The following PIEZO2 variants were observed in gnomAD, a reference collection of about 807,000 sequenced individuals.
PIEZO2 encodes the protein piezo type mechanosensitive ion channel component 2.
PIEZO2 carries 172 observed loss-of-function variants against 337.3 expected under a neutral mutation model. That is an observed-to-expected ratio of 0.51 (90% CI 0.45 to 0.58). PIEZO2 has a LOEUF of 0.58. PIEZO2 is among the 20% of genes least tolerant of loss of function. The probability of loss-of-function intolerance (pLI) is 0.00; values close to 1 mark genes in which losing one functional copy is unlikely to be tolerated. For synonymous variants in PIEZO2, 1,251 were observed against 1,228.5 expected, an observed-to-expected ratio of 1.02 and a Z score of -0.38; for missense variants, 3,028 against 3,391.3, an observed-to-expected ratio of 0.89 and a Z score of 2.66.
Position 10,857,001 on chromosome 18 carries a change from C to T in PIEZO2, c.703G>A (p.Gly235Ser). 1 of 1,537,200 alleles carries T rather than the reference C, an allele frequency of 6.5e-7. No individual in the cohort carries two copies. Among genetic ancestry groups the T allele is most frequent in the Non-Finnish European group, 8.7e-7 (1 of 1,146,894 alleles). The change falls in exon 6 of 56, where the codon GGC becomes AGC. Residue 235 changes from glycine (G) to serine (S), a missense_variant and splice_region_variant. Around this residue, in one of 5 missense-constraint regions of PIEZO2, gnomAD observed 542 missense variants for 605.6 expected, o/e 0.89. Coordinates refer to ENST00000674853, the MANE Select transcript of PIEZO2 (RefSeq NM_001378183.1). ...VVVTILLGSS[G>S]MMLPSLTSSV... is the part of the protein sequence containing the mutation. Reference sequence around the variant, plus strand: ...TGCAGCCAGTGTGGGAGACACTCACCCGAGGAGCCCAGTAAGATGGTAACA... The same window carrying T: ...TGCAGCCAGTGTGGGAGACACTCACTCGAGGAGCCCAGTAAGATGGTAACA...
rs2036575231 is a variant in PIEZO2, at chr18:10,727,135, TC to T, written c.5029+4271del. On this transcript the variant is annotated intron_variant, in intron 36 of 55. Coordinates refer to ENST00000674853, the MANE Select transcript of PIEZO2 (RefSeq NM_001378183.1). This position sits in a 1 kb window ranked among gnomAD's most constrained non-coding sequence, Gnocchi z 6.3. Reference sequence around the variant, plus strand: ...TGCTAGCCTCCCTGGGGCCTGGGGATCTGCAGCAGCATGTCTGGCAAACTGA... The same window carrying T: ...TGCTAGCCTCCCTGGGGCCTGGGGATTGCAGCAGCATGTCTGGCAAACTGA... 1 of 439,674 alleles carries T rather than the reference TC, an allele frequency of 2.3e-6. No homozygotes were observed. Among genetic ancestry groups the T allele is most frequent in the Admixed American group, 4.3e-5 (1 of 23,418 alleles). The allele number at this position is 439,674 out of a possible 1,614,324, so 27.2% of individuals were successfully genotyped here.
In PIEZO2 at chr18:11,031,235, G is replaced by A. The variant is rs914417457; in HGVS notation, c.160+34892C>T. Among the ~76,000 whole-genome samples the A allele has an allele frequency of 2.0e-5, 3 of 150,650 alleles. No individual in the cohort carries two copies. Among genetic ancestry groups the A allele is most frequent in the Non-Finnish European group, 1.5e-5 (1 of 67,778 alleles). Reference sequence around the variant, plus strand: ...AGGATGGTCTCAATCTCCTGACCTCGTGATCCACCCACCTCAGCCTCCCAA... The same window carrying A: ...AGGATGGTCTCAATCTCCTGACCTCATGATCCACCCACCTCAGCCTCCCAA... On this transcript the variant is annotated intron_variant, in intron 2 of 55. Coordinates refer to ENST00000674853, the MANE Select transcript of PIEZO2 (RefSeq NM_001378183.1). This position sits in a 1 kb window ranked among gnomAD's most constrained non-coding sequence, Gnocchi z 4.7.
In PIEZO2 at chr18:10,699,362, G is replaced by A. The variant is rs550695291; in HGVS notation, c.6442-185C>T. ...TGTTGTGGGAGAGACCCGGTGGGAC[G>A]TAATTGAGTCATGGCGGCAGGTCTT... On this transcript the variant is annotated intron_variant, in intron 43 of 55. Coordinates refer to ENST00000674853, the MANE Select transcript of PIEZO2 (RefSeq NM_001378183.1). 9.8e-5 allele frequency among the ~76,000 whole-genome samples: 15 copies of A among 152,286 alleles called. No individual in the cohort carries two copies. The East Asian group carries it at 1.4e-3, about 14-fold the overall frequency.
At chr18:10,807,072 T>A (rs758257548) in intron 8 of PIEZO2, 40 bp downstream of exon 8, 1 of 1,504,500 alleles carries the variant, frequency 6.6e-7, no homozygotes, top group South Asian at 1.2e-5. Context: ...GATTCTAGGT[T>A]ACTTTGCAGA....
intron 3 of PIEZO2, among the ~76,000 whole-genome samples, chr18:10,935,791 C>T (rs981491559): frequency 7.2e-5 from 11 of 152,166 alleles, no homozygotes; most frequent in African/African-American, 2.2e-4. Flanking sequence ...AGCATGACCA[C>T]GGCCCCTGCT....
intron 1 of PIEZO2, among the ~76,000 whole-genome samples, chr18:11,133,561 T>A (rs1251633011): frequency 6.6e-6 from 1 of 152,106 alleles, no homozygotes; most frequent in African/African-American, 2.4e-5. Context: ...GTGGGCACAA[T>A]CTAATCAGCT....
At chr18:10,765,583 G>A (rs1406719055) in intron 21 of PIEZO2, among the ~76,000 whole-genome samples, 1 of 152,194 alleles carries the variant, frequency 6.6e-6, no homozygotes, top group Non-Finnish European at 1.5e-5. Context: ...GTAATCTAAA[G>A]GGCAATGGAG....
At chr18:10,725,066 G>C in intron 36 of PIEZO2, 1 of 1,539,622 alleles carries the variant, frequency 6.5e-7, no homozygotes, top group Non-Finnish European at 9.0e-7. Flanking sequence ...AACGTGGACC[G>C]TGAGGGAGAC....
chr18:11,024,196 A>G (rs2036439437), intron 2 of PIEZO2, among the ~76,000 whole-genome samples: 1 of 152,196 alleles, frequency 6.6e-6, no homozygotes, highest in African/African-American at 2.4e-5. Context: ...GTCACCTCTC[A>G]CTACGATAGT....
At chr18:10,693,504 G>A (rs1298137595) in intron 47 of PIEZO2, among the ~76,000 whole-genome samples, 2 of 151,084 alleles carry the variant, frequency 1.3e-5, no homozygotes, top group South Asian at 2.1e-4. Flanking sequence ...TGAGTAGCTG[G>A]GACTATAGGC....
chr18:10,782,454 A>ATATTATATAG, intron 17 of PIEZO2, among the ~76,000 whole-genome samples: 2 of 41,694 alleles, frequency 4.8e-5, no homozygotes, highest in South Asian at 7.9e-4. Flanking sequence ...ATTATATAGT[A>ATATTATATAG]TATATATTAT....
chr18:10,999,507 T>C (rs1007848835), intron 2 of PIEZO2, among the ~76,000 whole-genome samples: 3 of 152,194 alleles, frequency 2.0e-5, no homozygotes, highest in African/African-American at 7.2e-5. Context: ...TGACAACCAT[T>C]TGCATTGTAT....
chr18:10,685,505 G>A (rs561542290), intron 49 of PIEZO2, among the ~76,000 whole-genome samples: 3 of 152,264 alleles, frequency 2.0e-5, no homozygotes, highest in African/African-American at 4.8e-5. Flanking sequence ...TGCATGCCTC[G>A]AGTTATAGGC....
chr18:11,045,355 T>C (rs553573384), intron 2 of PIEZO2, among the ~76,000 whole-genome samples: 6 of 148,554 alleles, frequency 4.0e-5, no homozygotes, highest in South Asian at 2.1e-4. Flanking sequence ...TATTGTTTCA[T>C]TAACATTGAA....
rs72874282 is a variant in PIEZO2, at chr18:11,097,417, G to A, written c.65-31195C>T. On this transcript the variant is annotated intron_variant, in intron 1 of 55. Transcript: ENST00000674853. The surrounding 1 kb of genome is among the most constrained non-coding windows in gnomAD (Gnocchi z 5.0). Reference sequence around the variant, plus strand: ...GCAACGCCTGACTCATTAACTGCCCGGCCCCTCACAGAAAAAGTTTGCTGG... The same window carrying A: ...GCAACGCCTGACTCATTAACTGCCCAGCCCCTCACAGAAAAAGTTTGCTGG... Among the ~76,000 whole-genome samples, 137 of 152,284 alleles carry A rather than the reference G, an allele frequency of 9.0e-4. No individual in the cohort carries two copies. Among genetic ancestry groups the A allele is most frequent in the Non-Finnish European group, 1.7e-3 (113 of 68,030 alleles).
chr18:10,823,763 T>C (rs1210704296), intron 7 of PIEZO2, among the ~76,000 whole-genome samples: 1 of 152,162 alleles, frequency 6.6e-6, no homozygotes, highest in Non-Finnish European at 1.5e-5. Context: ...CCCACAATAA[T>C]TTACCAACAA....
chr18:11,143,010 C>T lies in PIEZO2; in HGVS notation c.64+5515G>A, dbSNP rs1037125625. Among the ~76,000 whole-genome samples, 4 of 151,852 alleles carry T rather than the reference C, an allele frequency of 2.6e-5. No individual in the cohort carries two copies. Among genetic ancestry groups the T allele is most frequent in the Admixed American group, 1.3e-4 (2 of 15,238 alleles). Reference sequence around the variant, plus strand: ...AGGAGAATGGCATGAACCCAGGAGGCGGAGCTTGCAGTGAGCCAAGATCAC... The same window carrying T: ...AGGAGAATGGCATGAACCCAGGAGGTGGAGCTTGCAGTGAGCCAAGATCAC... On this transcript the variant is annotated intron_variant, in intron 1 of 55. Transcript: ENST00000674853. This position sits in a 1 kb window ranked among gnomAD's most constrained non-coding sequence, Gnocchi z 4.9.
At position 11,110,936 on chromosome 18, in the gene PIEZO2, G is replaced by A. The variant is rs2039712249; in HGVS notation, c.64+37589C>T. Among the ~76,000 whole-genome samples the A allele has an allele frequency of 1.3e-5, 2 of 152,194 alleles. No homozygotes were observed. The highest frequency in any genetic ancestry group is 6.5e-5 in the Admixed American group (1 of 15,280). On this transcript the variant is annotated intron_variant, in intron 1 of 55. Transcript: ENST00000674853. The surrounding 1 kb of genome is among the most constrained non-coding windows in gnomAD (Gnocchi z 4.2). ...GAGGCCAGGATGCTGTGCCCCGCAA[G>A]CTCCCCTCCATGTGGTCTGCGTCAG...
At position 11,148,149 on chromosome 18, in the gene PIEZO2, C is replaced by G. The variant is rs1354833466; in HGVS notation, c.64+376G>C. Among the ~76,000 whole-genome samples the G allele has an allele frequency of 2.0e-5, 3 of 152,102 alleles. No individual in the cohort carries two copies. The highest frequency in any genetic ancestry group is 7.2e-5 in the African/African-American group (3 of 41,440). On this transcript the variant is annotated intron_variant, in intron 1 of 55. Coordinates refer to ENST00000674853, the MANE Select transcript of PIEZO2 (RefSeq NM_001378183.1). This position sits in a 1 kb window ranked among gnomAD's most constrained non-coding sequence, Gnocchi z 5.2. Reference sequence around the variant, plus strand: ...ACAGCATGCTGTGCTTGCAGGGTCACTGGGGCGAGGGGCTCAGGTAGGAGC... The same window carrying G: ...ACAGCATGCTGTGCTTGCAGGGTCAGTGGGGCGAGGGGCTCAGGTAGGAGC...
Sources: gnomAD v4.1 joint callset for allele counts (sites outside exome capture counted in the v4.1 genomes callset) on GRCh38, gnomAD v4.1.1 for gene constraint, gnomAD v4.1.1 regional missense constraint, Gnocchi (gnomAD v3.1) non-coding constraint, MANE v1.5 for transcripts, NCBI Gene and HGNC (gene_info 2026-07-23, HGNC 2026-07-21) for gene names.